Variants in NRG3 observed in about 807,000 individuals in gnomAD.
The protein encoded by NRG3 is pro-neuregulin-3, membrane-bound isoform.
Under a neutral mutation model 66.9 loss-of-function variants are expected in NRG3, and 31 were observed. The ratio of observed to expected loss-of-function variants is 0.46; its 90% CI spans 0.35 to 0.63. NRG3 has a LOEUF of 0.63. Among genes scored for constraint, NRG3 ranks in the 20% least tolerant of loss-of-function variants. The pLI is 0.00. For missense variants in NRG3, 910 were observed against 878.9 expected (o/e 1.04, Z -0.45); for synonymous variants, 393 against 359.4 (o/e 1.09, Z -1.06).
At chr10:82,796,906 A>T (rs1476834232) in intron 3 of NRG3, among the ~76,000 whole-genome samples, 1 of 152,154 alleles carries the variant, frequency 6.6e-6, no homozygotes, top group Non-Finnish European at 1.5e-5. Context: ...CAGACAAGGA[A>T]ATTATGCCAT....
intron 2 of NRG3, among the ~76,000 whole-genome samples, chr10:82,698,628 G>GCT (rs2055592847): frequency 6.6e-6 from 1 of 152,112 alleles, no homozygotes; most frequent in Non-Finnish European, 1.5e-5. Context: ...TCAAGTCTTA[G>GCT]CTCTACTGCA....
intron 1 of NRG3, among the ~76,000 whole-genome samples, chr10:81,887,246 A>T (rs1253652268): frequency 1.3e-5 from 2 of 152,084 alleles, no homozygotes; most frequent in Non-Finnish European, 1.5e-5. Flanking sequence ...ATAATGCCTT[A>T]TTGAAGGCAG....
At chr10:82,482,407 A>G (rs1842346413) in intron 2 of NRG3, among the ~76,000 whole-genome samples, 1 of 151,980 alleles carries the variant, frequency 6.6e-6, no homozygotes, top group Non-Finnish European at 1.5e-5. Context: ...GAATATTCTG[A>G]CCCCCTTTTC....
At chr10:82,758,341 G>T (rs887734605) in intron 3 of NRG3, among the ~76,000 whole-genome samples, 1 of 152,018 alleles carries the variant, frequency 6.6e-6, no homozygotes, top group African/African-American at 2.4e-5. Context: ...AAGTCTAACA[G>T]TTTTCTGTAT....
intron 1 of NRG3, among the ~76,000 whole-genome samples, chr10:82,305,169 G>C (rs935236817): frequency 1.3e-5 from 2 of 151,270 alleles, no homozygotes; most frequent in African/African-American, 4.9e-5. Flanking sequence ...TAATTTTTTT[G>C]TATTTTTAGT....
chr10:82,567,102 G>A lies in NRG3; in HGVS notation c.954-171475G>A, dbSNP rs77238651. 1.6e-4 allele frequency among the ~76,000 whole-genome samples: 25 copies of A among 152,086 alleles called. No individual in the cohort carries two copies. In the East Asian group the frequency reaches 4.6e-3, roughly 28 times the overall value. ...TGGTCATCTTTGAAGGGCAGAGAGAGACAAAGGAGCCCCATCAGTTCTTAA... is the reference window on the plus strand; with the variant it reads ...TGGTCATCTTTGAAGGGCAGAGAGAAACAAAGGAGCCCCATCAGTTCTTAA... On this transcript the variant is annotated intron_variant, in intron 2 of 8. Coordinates refer to ENST00000372141, the MANE Select transcript of NRG3 (RefSeq NM_001010848.4).
intron 1 of NRG3, among the ~76,000 whole-genome samples, chr10:82,013,389 A>T (rs1477712218): frequency 6.6e-6 from 1 of 152,208 alleles, no homozygotes; most frequent in Non-Finnish European, 1.5e-5. Flanking sequence ...GGGTGAAGAC[A>T]CTGAGCCAAA....
intron 2 of NRG3, among the ~76,000 whole-genome samples, chr10:82,378,219 A>G (rs1001522452): frequency 6.6e-6 from 1 of 152,206 alleles, no homozygotes; most frequent in Non-Finnish European, 1.5e-5. Flanking sequence ...CAACCTGGAA[A>G]AGTTACAGAG....
intron 1 of NRG3, among the ~76,000 whole-genome samples, chr10:82,356,793 G>A (rs1669961770): frequency 6.6e-6 from 1 of 152,130 alleles, no homozygotes; most frequent in Non-Finnish European, 1.5e-5. Flanking sequence ...TAACATAAAT[G>A]TTAAATTATA....
chr10:82,589,601 C>A (rs1360717049), intron 2 of NRG3, among the ~76,000 whole-genome samples: 1 of 152,064 alleles, frequency 6.6e-6, no homozygotes, highest in East Asian at 1.9e-4. Context: ...ACTAAAGACA[C>A]CCCTCGGAGT....
intron 1 of NRG3, among the ~76,000 whole-genome samples, chr10:82,047,111 T>C (rs557918454): frequency 1.8e-4 from 28 of 151,612 alleles, no homozygotes; most frequent in African/African-American, 5.8e-4. Flanking sequence ...ATTCCCTCTT[T>C]TTCTATTGAT....
chr10:82,968,816 C>T (rs1241744732), intron 6 of NRG3, among the ~76,000 whole-genome samples: 2 of 152,142 alleles, frequency 1.3e-5, no homozygotes, highest in South Asian at 2.1e-4. Context: ...TAAAGACCTA[C>T]CCAAGACTGG....
intron 8 of NRG3, among the ~76,000 whole-genome samples, chr10:82,979,578 G>T (rs938679321): frequency 6.6e-6 from 1 of 150,738 alleles, no homozygotes; most frequent in Non-Finnish European, 1.5e-5. Context: ...TTGGGTCAAT[G>T]TTGAGAGTGT....
intron 2 of NRG3, among the ~76,000 whole-genome samples, chr10:82,680,178 C>T (rs1381252046): frequency 6.6e-6 from 1 of 152,118 alleles, no homozygotes; most frequent in Non-Finnish European, 1.5e-5. Flanking sequence ...TTGTTGCAAT[C>T]ATAGTATTTT....
At chr10:82,726,918 T>A (rs1486332357) in intron 2 of NRG3, among the ~76,000 whole-genome samples, 1 of 152,130 alleles carries the variant, frequency 6.6e-6, no homozygotes, top group Non-Finnish European at 1.5e-5. Context: ...GATGAGAAAC[T>A]TGTTGGGAAC....
chr10:82,960,620 C>A (rs1850548931), intron 6 of NRG3, among the ~76,000 whole-genome samples: 1 of 152,112 alleles, frequency 6.6e-6, no homozygotes, highest in Non-Finnish European at 1.5e-5. Context: ...CCGGTTCCTG[C>A]CTTTTCTGAT....
At chr10:82,155,986 A>C (rs1177983232) in intron 1 of NRG3, among the ~76,000 whole-genome samples, 1 of 151,666 alleles carries the variant, frequency 6.6e-6, no homozygotes, top group Admixed American at 6.6e-5. Context: ...TTCAATTTAA[A>C]AATAATTTTA....
intron 1 of NRG3, among the ~76,000 whole-genome samples, chr10:82,188,009 G>C (rs1402403636): frequency 6.6e-6 from 1 of 151,376 alleles, no homozygotes; most frequent in African/African-American, 2.4e-5. Flanking sequence ...AATAGCTAAA[G>C]CTATCCTAAG....
At chr10:82,893,423 C>T (rs901411176) in intron 4 of NRG3, among the ~76,000 whole-genome samples, 1 of 152,198 alleles carries the variant, frequency 6.6e-6, no homozygotes, top group Non-Finnish European at 1.5e-5. Context: ...GGCGCGGTGG[C>T]TCACGCCTGT....
Sources: gnomAD v4.1 joint callset for allele counts (sites outside exome capture counted in the v4.1 genomes callset) on GRCh38, gnomAD v4.1.1 for gene constraint, MANE v1.5 for transcripts, NCBI Gene and HGNC (gene_info 2026-07-23, HGNC 2026-07-21) for gene names.